The following IL1R1 variants were observed in gnomAD, a reference collection of about 807,000 sequenced individuals.
IL1R1 encodes the protein interleukin-1 receptor type 1.
In IL1R1, 22 loss-of-function variants were observed where a neutral mutation model predicts 50.2. That is an observed-to-expected ratio of 0.44 (90% CI 0.31 to 0.63). The LOEUF (loss-of-function observed/expected upper bound fraction) is 0.63. Among genes scored for constraint, IL1R1 ranks in the 20% least tolerant of loss-of-function variants. The pLI is 0.07. For synonymous variants in IL1R1, 251 were observed against 236.7 expected, an observed-to-expected ratio of 1.06 and a Z score of -0.55; for missense variants, 509 against 676.2, an observed-to-expected ratio of 0.75 and a Z score of 2.74.
Position 102,166,218 on chromosome 2 carries a change from G to A in IL1R1, c.592G>A (p.Ala198Thr). Residue 198 changes from alanine (A) to threonine (T), a missense_variant, in exon 6 of 12, where the codon GCA becomes ACA. Transcript: ENST00000410023. ...EKHRGNYTCH[A>T]SYTYLGKQYP... ...GCATAGAGGGAACTATACTTGTCAT[G>A]CATCCTACACATACTTGGGCAAGCA... is the stretch of plus-strand genomic sequence containing the variant. 1 of 1,613,764 alleles carries A rather than the reference G, an allele frequency of 6.2e-7. No homozygotes were observed. The highest frequency in any genetic ancestry group is 8.5e-7 in the Non-Finnish European group (1 of 1,179,774).
intron 2 of IL1R1, 69 bp from the exon 3 acceptor site, chr2:102,157,650 A>T: frequency 1.0e-6 from 1 of 964,970 alleles, no homozygotes; most frequent in Non-Finnish European, 1.7e-6. Context: ...TGGTATATTT[A>T]GTTTTAGAGA....
chr2:102,104,680 T>C (rs1289358925), exon 1 of IL1R1: 1 of 152,224 alleles, frequency 6.6e-6, no homozygotes, highest in Non-Finnish European at 1.5e-5. Context: ...GAGTTGTCAC[T>C]CTGCTGCGGC....
intron 1 of IL1R1, among the ~76,000 whole-genome samples, chr2:102,152,994 A>T (rs2104503531): frequency 6.6e-6 from 1 of 152,350 alleles, no homozygotes; most frequent in Middle Eastern, 3.4e-3. Flanking sequence ...AGACAAAAAA[A>T]AAAATTAGAC....
At chr2:102,108,689 G>T (rs1014796792) in intron 1 of IL1R1, among the ~76,000 whole-genome samples, 1 of 151,984 alleles carries the variant, frequency 6.6e-6, no homozygotes, top group South Asian at 2.1e-4. Context: ...TATTTATTTC[G>T]TTTAGTTTGG....
At chr2:102,144,634 A>G (rs1235548549) in intron 1 of IL1R1, among the ~76,000 whole-genome samples, 1 of 152,176 alleles carries the variant, frequency 6.6e-6, no homozygotes, top group Non-Finnish European at 1.5e-5. Flanking sequence ...ACGACAAGTG[A>G]AAACCTCTGT....
At chr2:102,108,374 T>C (rs2104357148) in intron 1 of IL1R1, among the ~76,000 whole-genome samples, 1 of 152,266 alleles carries the variant, frequency 6.6e-6, no homozygotes, top group African/African-American at 2.4e-5. Context: ...ATTTATTCCA[T>C]TCTTGTACAG....
chr2:102,083,523 G>A (rs550075305), intron 1 of IL1R1, among the ~76,000 whole-genome samples: 4 of 152,160 alleles, frequency 2.6e-5, no homozygotes, highest in Non-Finnish European at 4.4e-5. Context: ...AAACAGATAC[G>A]GGCTCTTCCA....
intron 1 of IL1R1, among the ~76,000 whole-genome samples, chr2:102,109,006 C>T (rs899004362): frequency 6.6e-6 from 1 of 151,220 alleles, no homozygotes; most frequent in Non-Finnish European, 1.5e-5. Context: ...ATATGTAATA[C>T]AGCACTTGCT....
intron 10 of IL1R1, among the ~76,000 whole-genome samples, 197 bp from the exon 11 acceptor site, chr2:102,175,281 T>C (rs1686028741): frequency 6.6e-6 from 1 of 152,146 alleles, no homozygotes; most frequent in South Asian, 2.1e-4. Context: ...AAATTTGCAG[T>C]AAAACACAAG....
chr2:102,152,837 C>G (rs758701265), intron 1 of IL1R1, among the ~76,000 whole-genome samples: 1 of 152,064 alleles, frequency 6.6e-6, no homozygotes, highest in African/African-American at 2.4e-5. Context: ...TGTGTACTGC[C>G]TCAAAGTGAA....
chr2:102,136,354 G>A (rs529218581), intron 1 of IL1R1, among the ~76,000 whole-genome samples: 1 of 151,502 alleles, frequency 6.6e-6, no homozygotes, highest in East Asian at 2.0e-4. Flanking sequence ...TTGTCCCTCA[G>A]GGCAATCATG....
intron 1 of IL1R1, among the ~76,000 whole-genome samples, chr2:102,143,519 C>T (rs887466598): frequency 1.3e-5 from 2 of 152,188 alleles, no homozygotes; most frequent in Non-Finnish European, 1.5e-5. Context: ...CAGTCATGCC[C>T]AGCACTTTAC....
chr2:102,079,081 A>T (rs1377852617), intron 1 of IL1R1, among the ~76,000 whole-genome samples: 1 of 152,118 alleles, frequency 6.6e-6, no homozygotes, highest in African/African-American at 2.4e-5. Context: ...CAACAAACCA[A>T]CAAAAATCAG....
At chr2:102,114,708 GCTT>G (rs1227930480) in intron 1 of IL1R1, among the ~76,000 whole-genome samples, 1 of 152,120 alleles carries the variant, frequency 6.6e-6, no homozygotes, top group Non-Finnish European at 1.5e-5. Context: ...AGAACTCTAA[GCTT>G]CTTTTTTTCT....
intron 1 of IL1R1, among the ~76,000 whole-genome samples, chr2:102,095,037 T>C (rs1429075141): frequency 5.3e-5 from 8 of 152,276 alleles, no homozygotes; most frequent in African/African-American, 1.9e-4. Flanking sequence ...CATGGGCTTA[T>C]ACATATGACA....
rs779056384 is a variant in IL1R1 at position 102,166,227 on chromosome 2, A to G, written c.601A>G (p.Thr201Ala). The G allele has an allele frequency of 8.1e-6, 13 of 1,613,822 alleles. No individual in the cohort carries two copies. Among genetic ancestry groups the G allele is most frequent in the Non-Finnish European group, 1.1e-5 (13 of 1,179,804 alleles). ...RGNYTCHASY[T>A]YLGKQYPITR... is the part of the protein sequence containing the mutation. ...GAACTATACTTGTCATGCATCCTACACATACTTGGGCAAGCAATATCCTAT... is the reference window on the plus strand; with the variant it reads ...GAACTATACTTGTCATGCATCCTACGCATACTTGGGCAAGCAATATCCTAT... Residue 201 changes from threonine (T) to alanine (A), a missense_variant, in exon 6 of 12, where the codon ACA (threonine) becomes GCA (alanine). Physicochemically the swap from Thr to Ala is moderately conservative, Grantham distance 58. Coordinates refer to ENST00000410023, the MANE Select transcript of IL1R1 (RefSeq NM_000877.4).
At chr2:102,152,504 C>CAAAAAAAAAAAAAA (rs70946674) in intron 1 of IL1R1, among the ~76,000 whole-genome samples, 1 of 29,696 alleles carries the variant, frequency 3.4e-5, no homozygotes. Flanking sequence ...GACTCCGTCT[C>CAAAAAAAAAAAAAA]AAAAAAAAAA....
At chr2:102,100,982 G>T (rs1254499411), upstream of IL1R1, among the ~76,000 whole-genome samples, 2 of 152,168 alleles carry the variant, frequency 1.3e-5, no homozygotes, top group African/African-American at 4.8e-5. Context: ...GGCCATCGGG[G>T]ATGGCATGGT....
At chr2:102,170,194 A>G (rs1168979290) in intron 7 of IL1R1, among the ~76,000 whole-genome samples, 2 of 152,272 alleles carry the variant, frequency 1.3e-5, no homozygotes, top group African/African-American at 4.8e-5. Context: ...GGTGTTAAAC[A>G]GGCAATAAGA....
Sources: allele counts gnomAD v4.1 joint callset (sites outside exome capture counted in the v4.1 genomes callset), GRCh38; gene constraint gnomAD v4.1.1; transcripts MANE v1.5; gene names NCBI Gene and HGNC (gene_info 2026-07-23, HGNC 2026-07-21).